Variants in PCDHGB2 observed in about 807,000 individuals in gnomAD.
PCDHGB2 encodes the protein protocadherin gamma subfamily B, 2, also known as protocadherin gamma-B2.
Under a neutral mutation model 59.3 loss-of-function variants are expected in PCDHGB2, and 55 were observed. That is an observed-to-expected ratio of 0.93 (90% CI 0.75 to 1.16). The LOEUF (loss-of-function observed/expected upper bound fraction) is 1.16. Among genes scored for constraint, PCDHGB2 ranks in the 50% most tolerant of loss-of-function variants. The pLI is 0.00. For synonymous variants in PCDHGB2, 516 were observed against 512.0 expected (o/e 1.01, Z -0.11); for missense variants, 1,228 against 1,198.5 (o/e 1.02, Z -0.36).
chr5:141,440,793 C>T (rs1448130354), intron 1 of PCDHGB2: 1 of 152,124 alleles, frequency 6.6e-6, no homozygotes, highest in Non-Finnish European at 1.5e-5. Context: ...TAGACGGCCC[C>T]CCAACAAAGC....
In PCDHGB2 at chr5:141,388,498, A is replaced by G. The variant is rs1025242684; in HGVS notation, c.2421+25942A>G. The G allele has an allele frequency of 9.9e-6, 16 of 1,613,748 alleles. No homozygotes were observed. Among genetic ancestry groups the G allele is most frequent in the Admixed American group, 1.7e-5 (1 of 60,004 alleles). ...AAGACACCTTTGGACAGAGAAAAGCAGAAATCCTACCACTTGACTTTGACT... is the reference window on the plus strand; with the variant it reads ...AAGACACCTTTGGACAGAGAAAAGCGGAAATCCTACCACTTGACTTTGACT... On this transcript the variant is annotated intron_variant, in intron 1 of 3. Transcript: ENST00000522605.
rs1266729746 is a variant in PCDHGB2 at position 141,362,100 on chromosome 5, C to T, written c.1965C>T (p.Ser655=). 1.6e-5 allele frequency: 26 copies of T among 1,613,752 alleles called. No individual in the cohort carries two copies. Among genetic ancestry groups the T allele is most frequent in the Non-Finnish European group, 1.9e-5 (23 of 1,179,896 alleles). ...GTGATGGAGGACAGCCGCCACTCTC[C>T]GCTACGGCCACGCTGCACCTAATCT... ...AVRDGGQPPL[S]ATATLHLIFA... Residue 655 remains serine (S), a synonymous_variant, in exon 1 of 4, where the codon TCC becomes TCT. Coordinates refer to ENST00000522605, the MANE Select transcript of PCDHGB2 (RefSeq NM_018923.3).
intron 1 of PCDHGB2, chr5:141,372,298 GGGA>G: frequency 6.2e-7 from 1 of 1,613,330 alleles, no homozygotes; most frequent in Non-Finnish European, 8.5e-7. Flanking sequence ...TTGGGCGACA[GGGA>G]GGCCGCCCGC....
rs765376157 is a variant in PCDHGB2 at position 141,486,033 on chromosome 5, A to G, written c.2422-8774A>G. 4.3e-6 allele frequency: 7 copies of G among 1,614,148 alleles called. No individual in the cohort carries two copies. The highest frequency in any genetic ancestry group is 5.9e-6 in the Non-Finnish European group (7 of 1,180,014). ...TTTTATTTCAGTGGTCATACCCCTG[A>G]TCGTGTAAGAAACCTCTTTAGCCTG... On this transcript the variant is annotated intron_variant, in intron 1 of 3. Transcript: ENST00000522605. This position sits in a 1 kb window ranked among gnomAD's most constrained non-coding sequence, Gnocchi z 5.0.
chr5:141,490,589 A>G lies in PCDHGB2; in HGVS notation c.2422-4218A>G, dbSNP rs761250654. On this transcript the variant is annotated intron_variant, in intron 1 of 3. Transcript: ENST00000522605. The surrounding 1 kb of genome is among the most constrained non-coding windows in gnomAD (Gnocchi z 5.4). ...CTCAACATTTCAGATGTCAATGACA[A>G]TGCACCCCGCTTCAACCAGCAGCTT... The G allele has an allele frequency of 5.7e-5, 92 of 1,614,042 alleles. No individual in the cohort carries two copies. Among genetic ancestry groups the G allele is most frequent in the Non-Finnish European group, 7.6e-5 (90 of 1,180,036 alleles).
At chr5:141,409,747 C>A in intron 1 of PCDHGB2, 3 of 1,612,994 alleles carry the variant, frequency 1.9e-6, no homozygotes, top group South Asian at 1.1e-5. Flanking sequence ...GGGTGGTGTT[C>A]GCGCAGCGCG....
chr5:141,423,782 C>A (rs1458189260), intron 1 of PCDHGB2: 2 of 1,243,328 alleles, frequency 1.6e-6, no homozygotes, highest in Non-Finnish European at 1.0e-6. Context: ...ATATTTAGTT[C>A]ATATATATTT....
chr5:141,423,760 G>T, intron 1 of PCDHGB2: 23 of 279,644 alleles, frequency 8.2e-5, no homozygotes, highest in South Asian at 2.0e-4. Flanking sequence ...TGGGGGGGGG[G>T]TGGGGCGGCA....
intron 1 of PCDHGB2, among the ~76,000 whole-genome samples, chr5:141,459,494 G>C (rs1454297107): frequency 2.0e-5 from 3 of 152,200 alleles, no homozygotes; most frequent in African/African-American, 7.2e-5. Context: ...CTGAATTAAA[G>C]TGATGTGAAC....
intron 1 of PCDHGB2, among the ~76,000 whole-genome samples, chr5:141,447,098 A>G (rs2098525979): frequency 6.6e-6 from 1 of 151,934 alleles, no homozygotes. Flanking sequence ...TTTCTTTCAC[A>G]TGATTATATG....
In PCDHGB2 at chr5:141,372,255, C is replaced by T. The variant is rs1309371884; in HGVS notation, c.2421+9699C>T. 3.7e-6 allele frequency: 6 copies of T among 1,613,018 alleles called. No individual in the cohort carries two copies. The East Asian group carries it at 1.1e-4, about 30-fold the overall frequency. On this transcript the variant is annotated intron_variant, in intron 1 of 3. Coordinates refer to ENST00000522605, the MANE Select transcript of PCDHGB2 (RefSeq NM_018923.3). ...CGAGCCCGGGCTGTTCAGCCTGGGCCTGCGCACGGGTGAGGTGCGCACGGC... is the reference window on the plus strand; with the variant it reads ...CGAGCCCGGGCTGTTCAGCCTGGGCTTGCGCACGGGTGAGGTGCGCACGGC...
rs191916514 is a variant in PCDHGB2, at chr5:141,456,716, G to A, written c.2422-38091G>A. 3.9e-3 allele frequency among the ~76,000 whole-genome samples: 589 copies of A among 152,314 alleles called. 5 individuals carry two copies. Among genetic ancestry groups the A allele is most frequent in the Admixed American group, 0.011 (169 of 15,300 alleles). On this transcript the variant is annotated intron_variant, in intron 1 of 3. Transcript: ENST00000522605. ...GTGGTGGCTCGCGCCTGTAATCCCA[G>A]CACTTTGGGAGGCTGAGGCGGGAGC...
Position 141,432,325 on chromosome 5 carries a change from C to CGAGCA in PCDHGB2, c.2422-62480_2422-62476dup, listed in dbSNP as rs768604869. On this transcript the variant is annotated intron_variant, in intron 1 of 3. Coordinates refer to ENST00000522605, the MANE Select transcript of PCDHGB2 (RefSeq NM_018923.3). This position sits in a 1 kb window ranked among gnomAD's most constrained non-coding sequence, Gnocchi z 6.0. Reference sequence around the variant, plus strand: ...TGTATGCGCTGAGCTCCTTCGACTACGAGCAGTTCCGAGACTTGCAAGTGA... The same window carrying CGAGCA: ...TGTATGCGCTGAGCTCCTTCGACTACGAGCAGAGCAGTTCCGAGACTTGCAAGTGA... 20 of 1,614,142 alleles carry CGAGCA rather than the reference C, an allele frequency of 1.2e-5. No individual in the cohort carries two copies. Among genetic ancestry groups the CGAGCA allele is most frequent in the Non-Finnish European group, 1.7e-5 (20 of 1,180,050 alleles).
intron 1 of PCDHGB2, among the ~76,000 whole-genome samples, chr5:141,439,221 T>G (rs145700274): frequency 1.2e-3 from 182 of 151,852 alleles, no homozygotes; most frequent in African/African-American, 4.3e-3. Flanking sequence ...ATGTGAAAAT[T>G]CTTAGAAGCT....
At position 141,376,756 on chromosome 5, in the gene PCDHGB2, G is replaced by C. The variant is rs1049941497; in HGVS notation, c.2421+14200G>C. The stretch of plus-strand genomic sequence containing the variant: ...CTGCGGACTGCAGTGGCGCAATCTC[G>C]GCTCACTGCAAGCTCCGCTTCCCGG... On this transcript the variant is annotated intron_variant, in intron 1 of 3. Transcript: ENST00000522605. 3.1e-5 allele frequency: 14 copies of C among 448,188 alleles called. No individual in the cohort carries two copies. The Admixed American group carries it at 4.2e-4, about 14-fold the overall frequency. The allele number at this position is 448,188 out of a possible 1,614,324, so 27.8% of individuals were successfully genotyped here. A position where few individuals can be genotyped will look rare whatever the true frequency, so the allele number is the denominator to read the frequency against.
intron 1 of PCDHGB2, chr5:141,433,247 G>A (rs1393219042): frequency 2.8e-6 from 4 of 1,447,840 alleles, no homozygotes; most frequent in Non-Finnish European, 3.8e-6. Context: ...AAGCTGGAAT[G>A]CAGCGGTACG....
chr5:141,398,011 T>A lies in PCDHGB2; in HGVS notation c.2421+35455T>A, dbSNP rs531266866. On this transcript the variant is annotated intron_variant, in intron 1 of 3. Coordinates refer to ENST00000522605, the MANE Select transcript of PCDHGB2 (RefSeq NM_018923.3). ...CGCTTCCTCCTCGGAAAAAGAATCG[T>A]TTCCTAAACTGGAACTGGAACTAAA... The A allele has an allele frequency of 2.7e-5, 38 of 1,413,006 alleles. No homozygotes were observed. In the African/African-American group the frequency reaches 4.3e-4, roughly 16 times the overall value. 87.5% of individuals were successfully genotyped at this position (1,413,006 alleles called of 1,614,324 possible). A position where few individuals can be genotyped will look rare whatever the true frequency, so the allele number is the denominator to read the frequency against.
At chr5:141,502,030 C>T (rs1031787021) in intron 2 of PCDHGB2, among the ~76,000 whole-genome samples, 4 of 152,180 alleles carry the variant, frequency 2.6e-5, no homozygotes, top group Non-Finnish European at 4.4e-5. Flanking sequence ...CAACCCCCGC[C>T]GCTTGCCTGC....
At chr5:141,421,638 C>G (rs775131295) in intron 1 of PCDHGB2, 2 of 1,613,770 alleles carry the variant, frequency 1.2e-6, no homozygotes, top group South Asian at 1.1e-5. Context: ...TCCAGGAGGA[C>G]GAAGTGGAGA....
Sources: gnomAD v4.1 joint callset for allele counts (sites outside exome capture counted in the v4.1 genomes callset) on GRCh38, gnomAD v4.1.1 for gene constraint, Gnocchi (gnomAD v3.1) non-coding constraint, MANE v1.5 for transcripts, NCBI Gene and HGNC (gene_info 2026-07-23, HGNC 2026-07-21) for gene names.